The following ZBTB38 variants were observed in gnomAD, a reference collection of about 807,000 sequenced individuals.
ZBTB38 encodes the protein zinc finger and BTB domain-containing protein 38.
A neutral mutation model predicts 76.8 loss-of-function variants in ZBTB38; 20 were observed. The ratio of observed to expected loss-of-function variants is 0.26; its 90% CI spans 0.18 to 0.38. The LOEUF (loss-of-function observed/expected upper bound fraction) is 0.38. Ranked by LOEUF, ZBTB38 falls within the 10% of genes least tolerant of loss-of-function variation. The pLI, the probability that ZBTB38 is intolerant of heterozygous loss-of-function variation, is 1.00. For synonymous variants in ZBTB38, 504 were observed against 544.2 expected (o/e 0.93, Z 1.03); for missense variants, 1,082 against 1,482.3 (o/e 0.73, Z 4.43).
chr3:141,434,233 G>A (rs2078243813), intron 5 of ZBTB38: 2 of 984,274 alleles, frequency 2.0e-6, no homozygotes, highest in South Asian at 9.4e-5. Flanking sequence ...AAGAACAAAT[G>A]AGGATTGCCA....
chr3:141,421,172 G>A (rs1385546029), intron 5 of ZBTB38, among the ~76,000 whole-genome samples: 1 of 152,062 alleles, frequency 6.6e-6, no homozygotes, highest in Non-Finnish European at 1.5e-5. Context: ...AGGAAACTGA[G>A]GCTTACAGTG....
At chr3:141,430,777 C>G (rs1309569242) in intron 5 of ZBTB38, among the ~76,000 whole-genome samples, 1 of 152,136 alleles carries the variant, frequency 6.6e-6, no homozygotes, top group Admixed American at 6.5e-5. Flanking sequence ...CACTCTTCTT[C>G]AGAAGCCAGA....
At chr3:141,352,377 T>C (rs1488030783) in intron 1 of ZBTB38, among the ~76,000 whole-genome samples, 1 of 152,036 alleles carries the variant, frequency 6.6e-6, no homozygotes, top group African/African-American at 2.4e-5. Flanking sequence ...AAAGAACCCA[T>C]GATAATCTGA....
chr3:141,447,412 C>T lies in ZBTB38; in HGVS notation c.*1436C>T, dbSNP rs1306311537. ...CCCACTGAAGTTTTTTTTTTATGTT[C>T]TTTGACCCACACCATCAACACTACC... On this transcript the variant is annotated 3_prime_UTR_variant, in exon 6 of 6. Transcript: ENST00000321464. The T allele has an allele frequency of 2.0e-5, 3 of 152,080 alleles. No homozygotes were observed. The highest frequency in any genetic ancestry group is 6.6e-5 in the Admixed American group (1 of 15,228). The allele number at this position is 152,080 out of a possible 1,614,324, so 9.4% of individuals were successfully genotyped here.
Position 141,436,214 on chromosome 3 carries a change from G to A in ZBTB38, c.1-6175G>A, listed in dbSNP as rs139310938. 4.3e-3 allele frequency among the ~76,000 whole-genome samples: 653 copies of A among 152,286 alleles called. 4 individuals carry two copies. Among genetic ancestry groups the A allele is most frequent in the African/African-American group, 0.015 (630 of 41,548 alleles). ...AAATGACTGTCCCCCTCCCACATGAGCTCTTTTAAAGTCTAAATTTTCATC... is the reference window on the plus strand; with the variant it reads ...AAATGACTGTCCCCCTCCCACATGAACTCTTTTAAAGTCTAAATTTTCATC... On this transcript the variant is annotated intron_variant, in intron 5 of 5. Transcript: ENST00000321464.
chr3:141,405,275 T>C (rs1953967825), intron 5 of ZBTB38, among the ~76,000 whole-genome samples: 1 of 152,234 alleles, frequency 6.6e-6, no homozygotes, highest in Non-Finnish European at 1.5e-5. Context: ...GAATGTCAGC[T>C]CCACGGATGT....
chr3:141,335,239 A>G (rs907478390), intron 1 of ZBTB38, among the ~76,000 whole-genome samples: 1 of 152,236 alleles, frequency 6.6e-6, no homozygotes, highest in Admixed American at 6.5e-5. Context: ...TGTTATGTAG[A>G]TTTGTTGCGA....
rs148189540 is a variant in ZBTB38, at chr3:141,422,219, G to A, written c.-1+18188G>A. 2.4e-3 allele frequency among the ~76,000 whole-genome samples: 361 copies of A among 152,302 alleles called. 3 individuals are homozygous for A. Among genetic ancestry groups the A allele is most frequent in the African/African-American group, 7.9e-3 (329 of 41,544 alleles). On this transcript the variant is annotated intron_variant, in intron 5 of 5. Coordinates refer to ENST00000321464, the MANE Select transcript of ZBTB38 (RefSeq NM_001376113.1). ...GAGTATGCTGCAGTACTGGGCTACCGTTCACTCAGGGGGACAGCAGAGGCC... is the reference window on the plus strand; with the variant it reads ...GAGTATGCTGCAGTACTGGGCTACCATTCACTCAGGGGGACAGCAGAGGCC...
chr3:141,445,766 C>T lies in ZBTB38; in HGVS notation c.3378C>T (p.Ala1126=). ...GGGAGCATAATGGGAAGGGCTATGC[C>T]TGCTTCCAGTGCCCCAAAATTTGCA... ...HIREHNGKGY[A]CFQCPKICKT... Residue 1126 remains alanine, a synonymous_variant, in exon 6 of 6, where the codon GCC becomes GCT. Coordinates refer to ENST00000321464, the MANE Select transcript of ZBTB38 (RefSeq NM_001376113.1). This position sits in a 1 kb window ranked among gnomAD's most constrained non-coding sequence, Gnocchi z 6.5. 1.2e-6 allele frequency: 2 copies of T among 1,614,218 alleles called. No individual in the cohort carries two copies. The highest frequency in any genetic ancestry group is 3.3e-5 in the Admixed American group (2 of 60,024).
chr3:141,432,028 C>A, intron 5 of ZBTB38: 1 of 919,210 alleles, frequency 1.1e-6, no homozygotes, highest in Non-Finnish European at 1.3e-6. Flanking sequence ...AACACCCCGT[C>A]ACGTGAGGAG....
At chr3:141,336,198 G>A (rs1006460762) in intron 1 of ZBTB38, among the ~76,000 whole-genome samples, 1 of 152,140 alleles carries the variant, frequency 6.6e-6, no homozygotes, top group South Asian at 2.1e-4. Flanking sequence ...TGGGACGTTT[G>A]TCTTAAAGTA....
At chr3:141,374,907 T>G (rs1945144994) in intron 2 of ZBTB38, among the ~76,000 whole-genome samples, 1 of 152,216 alleles carries the variant, frequency 6.6e-6, no homozygotes, top group Non-Finnish European at 1.5e-5. Context: ...AAAACCTTGG[T>G]CTTTTTTAGT....
chr3:141,443,621 C>T lies in ZBTB38; in HGVS notation c.1233C>T (p.Asn411=), dbSNP rs1455474882. The T allele has an allele frequency of 1.2e-6, 2 of 1,614,224 alleles. No individual in the cohort carries two copies. The highest frequency in any genetic ancestry group is 1.7e-6 in the Non-Finnish European group (2 of 1,180,044). The change falls in exon 6 of 6, where the codon AAC becomes AAT. Residue 411 remains asparagine, a synonymous_variant. Transcript: ENST00000321464. The surrounding 1 kb of genome is among the most constrained non-coding windows in gnomAD (Gnocchi z 5.6). ...IPGGNQRFLE[N]YPTIGQNGGS... is the part of the protein sequence containing the mutation. ...GAGGAAACCAACGCTTTTTAGAAAA[C>T]TATCCTACCATTGGACAAAATGGAG...
At chr3:141,411,657 C>T (rs1212887745) in intron 5 of ZBTB38, among the ~76,000 whole-genome samples, 3 of 152,120 alleles carry the variant, frequency 2.0e-5, no homozygotes, top group African/African-American at 7.2e-5. Flanking sequence ...TTTACTCAGA[C>T]GTTAGAGAAC....
At chr3:141,327,888 G>T (rs1942720663) in intron 1 of ZBTB38, among the ~76,000 whole-genome samples, 1 of 152,172 alleles carries the variant, frequency 6.6e-6, no homozygotes, top group Non-Finnish European at 1.5e-5. Flanking sequence ...GAAACGACTG[G>T]TTGGAAAGCT....
intron 1 of ZBTB38, among the ~76,000 whole-genome samples, chr3:141,357,598 C>T (rs781266203): frequency 3.3e-5 from 5 of 152,142 alleles, no homozygotes; most frequent in African/African-American, 9.7e-5. Flanking sequence ...GGCGCAATCT[C>T]GGCTCACTGC....
At chr3:141,415,750 G>T (rs1309166943) in intron 5 of ZBTB38, among the ~76,000 whole-genome samples, 1 of 152,182 alleles carries the variant, frequency 6.6e-6, no homozygotes, top group Non-Finnish European at 1.5e-5. Context: ...GTATGATGGG[G>T]TGATTGACCA....
Position 141,428,800 on chromosome 3 carries a change from G to A in ZBTB38, c.1-13589G>A, listed in dbSNP as rs1474220964. On this transcript the variant is annotated intron_variant, in intron 5 of 5. Transcript: ENST00000321464. ...CAGTATTTCCATTTTTTATGTGCCG[G>A]CCTCCACAGGATTGTGGAAGTGATT... 3.3e-5 allele frequency among the ~76,000 whole-genome samples: 5 copies of A among 152,064 alleles called. No individual in the cohort carries two copies. In the South Asian group the frequency reaches 1.0e-3, roughly 32 times the overall value.
Position 141,442,374 on chromosome 3 carries a change from C to G in ZBTB38, c.1-15C>G. 2 of 1,584,952 alleles carry G rather than the reference C, an allele frequency of 1.3e-6. No individual in the cohort carries two copies. The highest frequency in any genetic ancestry group is 1.7e-6 in the Non-Finnish European group (2 of 1,159,372). Reference sequence around the variant, plus strand: ...TGTGGAAGATTATCTGACCATTTCTCTCCTCTTGTTTCAGATGACAGTCAT... The same window carrying G: ...TGTGGAAGATTATCTGACCATTTCTGTCCTCTTGTTTCAGATGACAGTCAT... On this transcript the variant is annotated splice_polypyrimidine_tract_variant and intron_variant, in intron 5 of 5. Transcript: ENST00000321464. This position sits in a 1 kb window ranked among gnomAD's most constrained non-coding sequence, Gnocchi z 6.4.
Sources: allele counts gnomAD v4.1 joint callset (sites outside exome capture counted in the v4.1 genomes callset), GRCh38; gene constraint gnomAD v4.1.1; non-coding constraint Gnocchi (gnomAD v3.1); transcripts MANE v1.5; gene names NCBI Gene and HGNC (gene_info 2026-07-23, HGNC 2026-07-21).